The following FER variants were observed in gnomAD, a reference collection of about 807,000 sequenced individuals.
FER encodes the protein FER tyrosine kinase, also known as tyrosine-protein kinase Fer.
A neutral mutation model predicts 111.0 loss-of-function variants in FER; 63 were observed. That is an observed-to-expected ratio of 0.57 (90% CI 0.46 to 0.70). The LOEUF is 0.70. FER is among the 30% of genes least tolerant of loss of function. The pLI is 0.00. For synonymous variants in FER, 327 were observed against 313.9 expected, an observed-to-expected ratio of 1.04 and a Z score of -0.44; for missense variants, 914 against 954.0, an observed-to-expected ratio of 0.96 and a Z score of 0.55.
At chr5:109,060,684 A>T (rs1195530072) in intron 16 of FER, among the ~76,000 whole-genome samples, 1 of 152,060 alleles carries the variant, frequency 6.6e-6, no homozygotes, top group Non-Finnish European at 1.5e-5. Context: ...CTCTGTCTCC[A>T]AAAAAGAAAT....
chr5:108,927,130 T>G (rs940782919), intron 10 of FER, among the ~76,000 whole-genome samples: 1 of 152,092 alleles, frequency 6.6e-6, no homozygotes, highest in Non-Finnish European at 1.5e-5. Flanking sequence ...AATACACTTT[T>G]CCATCTTGTA....
chr5:108,839,504 A>G (rs1280561814), intron 5 of FER, among the ~76,000 whole-genome samples: 1 of 152,004 alleles, frequency 6.6e-6, no homozygotes, highest in Non-Finnish European at 1.5e-5. Context: ...TTTTAAAAAG[A>G]ATAAGTAGAG....
intron 13 of FER, among the ~76,000 whole-genome samples, chr5:109,014,558 G>C (rs563174709): frequency 6.6e-6 from 1 of 151,946 alleles, no homozygotes; most frequent in Non-Finnish European, 1.5e-5. Context: ...TTGACTTGGC[G>C]ATGTGGGCTC....
chr5:108,946,586 AG>A (rs1757017714), intron 11 of FER, among the ~76,000 whole-genome samples: 1 of 152,002 alleles, frequency 6.6e-6, no homozygotes, highest in African/African-American at 2.4e-5. Flanking sequence ...TTTTTACAGT[AG>A]GGATTACTAT....
chr5:108,886,137 T>G (rs1747115867), intron 9 of FER, among the ~76,000 whole-genome samples: 1 of 151,754 alleles, frequency 6.6e-6, no homozygotes, highest in Admixed American at 6.6e-5. Flanking sequence ...GGCTATAAGT[T>G]GTTGGAGGAG....
At chr5:108,761,216 C>G (rs1287367136) in intron 1 of FER, among the ~76,000 whole-genome samples, 1 of 152,228 alleles carries the variant, frequency 6.6e-6, no homozygotes, top group African/African-American at 2.4e-5. Context: ...GTGTGAGCCA[C>G]TGCACCTGGC....
chr5:108,926,516 T>C (rs924202267), intron 10 of FER, among the ~76,000 whole-genome samples: 7 of 152,178 alleles, frequency 4.6e-5, no homozygotes, highest in African/African-American at 1.2e-4. Context: ...GCACACTGAC[T>C]CTTGAAATTT....
intron 13 of FER, among the ~76,000 whole-genome samples, chr5:109,003,097 C>G (rs1765018506): frequency 6.6e-6 from 1 of 152,088 alleles, no homozygotes; most frequent in African/African-American, 2.4e-5. Context: ...TACCATTTGA[C>G]CCAGCCATCC....
intron 2 of FER, among the ~76,000 whole-genome samples, chr5:108,771,915 C>G (rs889843018): frequency 6.6e-6 from 1 of 152,064 alleles, no homozygotes; most frequent in Non-Finnish European, 1.5e-5. Context: ...TTCATTTTGG[C>G]TGCTATGACA....
chr5:108,788,153 T>G (rs550385577), intron 2 of FER, among the ~76,000 whole-genome samples: 40 of 152,282 alleles, frequency 2.6e-4, no homozygotes, highest in Admixed American at 1.2e-3. Context: ...CTCTGAGCTT[T>G]CTGGTGCCAT....
chr5:109,062,833 C>T (rs1432005807), intron 16 of FER, among the ~76,000 whole-genome samples: 2 of 152,128 alleles, frequency 1.3e-5, no homozygotes, highest in African/African-American at 4.8e-5. Flanking sequence ...CTTCCTGGAA[C>T]TAATTAAATG....
At chr5:108,896,549 C>CT (rs1226895538) in intron 9 of FER, among the ~76,000 whole-genome samples, 1 of 152,182 alleles carries the variant, frequency 6.6e-6, no homozygotes, top group African/African-American at 2.4e-5. Flanking sequence ...TTTTCTTAGA[C>CT]TTTTTTCTCT....
In FER at chr5:109,189,864, C is replaced by CTGTT. The variant is rs1482715024; in HGVS notation, c.*2290_*2293dup. 3.3e-5 allele frequency: 5 copies of CTGTT among 152,106 alleles called. No individual in the cohort carries two copies. The highest frequency in any genetic ancestry group is 1.2e-4 in the African/African-American group (5 of 41,412). The allele number at this position is 152,106 out of a possible 1,614,324, so 9.4% of individuals were successfully genotyped here. ...AGCATTGATATTTCACTTATCCAGG[C>CTGTT]TGTTAGAATTTGCAGTTCACATCAT... On this transcript the variant is annotated 3_prime_UTR_variant, in exon 20 of 20. Transcript: ENST00000281092.
chr5:109,162,660 G>A (rs1756113782), intron 17 of FER, among the ~76,000 whole-genome samples: 1 of 152,062 alleles, frequency 6.6e-6, no homozygotes, highest in Non-Finnish European at 1.5e-5. Context: ...AAATTTGACT[G>A]TGTGGCCCCT....
intron 16 of FER, among the ~76,000 whole-genome samples, chr5:109,060,150 G>A (rs763662351): frequency 6.6e-6 from 1 of 152,138 alleles, no homozygotes; most frequent in African/African-American, 2.4e-5. Flanking sequence ...ATTTTCCTGG[G>A]GCTGGGGTGT....
chr5:108,758,737 G>A (rs1297969104), intron 1 of FER, among the ~76,000 whole-genome samples: 1 of 152,210 alleles, frequency 6.6e-6, no homozygotes, highest in East Asian at 1.9e-4. Context: ...GGAATAGGAA[G>A]TGTGGTCAGC....
At chr5:109,158,599 G>A (rs1330691350) in intron 17 of FER, among the ~76,000 whole-genome samples, 1 of 152,038 alleles carries the variant, frequency 6.6e-6, no homozygotes, top group Non-Finnish European at 1.5e-5. Context: ...TCTCAGCTCT[G>A]TTCATCATAC....
At chr5:108,993,998 A>T (rs1763676310) in intron 13 of FER, among the ~76,000 whole-genome samples, 1 of 152,054 alleles carries the variant, frequency 6.6e-6, no homozygotes, top group Non-Finnish European at 1.5e-5. Context: ...AATTTATTTA[A>T]GTTCCTTGTA....
At chr5:108,916,290 A>G (rs1464006601) in intron 10 of FER, among the ~76,000 whole-genome samples, 2 of 152,228 alleles carry the variant, frequency 1.3e-5, no homozygotes, top group Admixed American at 1.3e-4. Context: ...CAAGTTTTAC[A>G]TCAACAGCCT....
Sources: gnomAD v4.1 joint callset for allele counts (sites outside exome capture counted in the v4.1 genomes callset) on GRCh38, gnomAD v4.1.1 for gene constraint, MANE v1.5 for transcripts, NCBI Gene and HGNC (gene_info 2026-07-23, HGNC 2026-07-21) for gene names.